The following RNFT2 variants were observed in gnomAD, a reference collection of about 807,000 sequenced individuals.
RNFT2 encodes the protein ring finger protein, transmembrane 2, also known as E3 ubiquitin-protein ligase RNFT2.
RNFT2 carries 36 observed loss-of-function variants against 53.0 expected under a neutral mutation model. The ratio of observed to expected loss-of-function variants is 0.68; its 90% CI spans 0.52 to 0.90. RNFT2 has a LOEUF of 0.90. Ranked by LOEUF, RNFT2 falls within the 40% of genes least tolerant of loss-of-function variation. RNFT2 has a pLI of 0.00. For missense variants in RNFT2, 514 were observed against 585.6 expected (o/e 0.88, Z 1.26); for synonymous variants, 260 against 253.2 (o/e 1.03, Z -0.26).
chr12:116,775,844 A>C (rs1873409416), intron 6 of RNFT2, among the ~76,000 whole-genome samples: 1 of 152,192 alleles, frequency 6.6e-6, no homozygotes, highest in African/African-American at 2.4e-5. Flanking sequence ...GGAGTCTGAG[A>C]CCAGCCTGGC....
chr12:116,740,916 A>G, intron 2 of RNFT2, 120 bp from the exon 3 acceptor site: 1 of 802,178 alleles, frequency 1.2e-6, no homozygotes, highest in Non-Finnish European at 2.1e-6. Context: ...GGAAAATGCC[A>G]GAGAGCACTA....
At chr12:116,811,538 G>C (rs1875376917) in intron 7 of RNFT2, among the ~76,000 whole-genome samples, 2 of 152,118 alleles carry the variant, frequency 1.3e-5, no homozygotes. Context: ...ACCACACCTG[G>C]CTAATTTTTG....
chr12:116,836,379 G>A, intron 10 of RNFT2, 97 bp downstream of exon 10: 2 of 1,020,964 alleles, frequency 2.0e-6, no homozygotes, highest in Middle Eastern at 2.5e-4. Flanking sequence ...ATGGGTCTCT[G>A]GGGGGCAATC....
intron 5 of RNFT2, among the ~76,000 whole-genome samples, chr12:116,756,909 A>G (rs144034106): frequency 1.3e-5 from 2 of 152,184 alleles, no homozygotes; most frequent in African/African-American, 4.8e-5. Context: ...ATTGGTACCA[A>G]TTCTTCGAAT....
At chr12:116,829,498 G>T (rs1212124752) in intron 7 of RNFT2, among the ~76,000 whole-genome samples, 2 of 152,172 alleles carry the variant, frequency 1.3e-5, no homozygotes, top group East Asian at 1.9e-4. Context: ...CAAAAATCAG[G>T]CAGGGGGTGA....
chr12:116,748,377 A>G (rs542216894), intron 3 of RNFT2, among the ~76,000 whole-genome samples: 1 of 152,300 alleles, frequency 6.6e-6, no homozygotes, highest in East Asian at 1.9e-4. Context: ...TTCCAACCCA[A>G]GAGGCCCTTG....
intron 7 of RNFT2, among the ~76,000 whole-genome samples, chr12:116,805,121 C>T (rs200260347): frequency 2.1e-5 from 3 of 143,360 alleles, no homozygotes; most frequent in Non-Finnish European, 3.0e-5. Context: ...AAGACATTGT[C>T]TTTTTTTTTT....
chr12:116,746,780 G>C (rs1020773358), intron 3 of RNFT2, among the ~76,000 whole-genome samples: 1 of 152,190 alleles, frequency 6.6e-6, no homozygotes, highest in Non-Finnish European at 1.5e-5. Context: ...TACCTGTCTA[G>C]AGGGTTCCTC....
intron 10 of RNFT2, among the ~76,000 whole-genome samples, chr12:116,843,606 A>C (rs1877463680): frequency 6.6e-6 from 1 of 151,422 alleles, no homozygotes; most frequent in Non-Finnish European, 1.5e-5. Context: ...TTCCCAGCTG[A>C]GAAAGGGCTC....
At chr12:116,821,347 C>T (rs1167299290) in intron 7 of RNFT2, among the ~76,000 whole-genome samples, 2 of 152,172 alleles carry the variant, frequency 1.3e-5, no homozygotes, top group African/African-American at 2.4e-5. Context: ...GGTCCAGCCC[C>T]GATCCCACCC....
chr12:116,834,760 C>A (rs1442412445), intron 8 of RNFT2, among the ~76,000 whole-genome samples: 3 of 152,014 alleles, frequency 2.0e-5, no homozygotes, highest in African/African-American at 7.2e-5. Context: ...GTTTAATCTA[C>A]CCTAATTTCT....
chr12:116,786,232 C>T (rs934432288), intron 7 of RNFT2, among the ~76,000 whole-genome samples: 7 of 151,812 alleles, frequency 4.6e-5, no homozygotes, highest in African/African-American at 1.5e-4. Context: ...AGGTATTCTC[C>T]TGCCTCAGCC....
At chr12:116,841,465 T>C (rs4766806) in intron 10 of RNFT2, among the ~76,000 whole-genome samples, 17,106 of 148,638 alleles carry the variant, frequency 0.12, 1,516 homozygotes, top group African/African-American at 0.24. Context: ...AAAAATAAAA[T>C]GACTGGGCAT....
intron 7 of RNFT2, among the ~76,000 whole-genome samples, chr12:116,780,269 G>A (rs929514416): frequency 7.9e-5 from 12 of 152,116 alleles, no homozygotes; most frequent in African/African-American, 1.2e-4. Context: ...ACCAGGAACC[G>A]GTTTCATGGA....
chr12:116,831,941 C>A (rs1876672740), intron 7 of RNFT2, among the ~76,000 whole-genome samples: 1 of 151,534 alleles, frequency 6.6e-6, no homozygotes, highest in South Asian at 2.1e-4. Flanking sequence ...CCAGCCTGGG[C>A]AACATGGTGA....
At chr12:116,756,849 A>T (rs1203577869) in intron 5 of RNFT2, among the ~76,000 whole-genome samples, 2 of 152,116 alleles carry the variant, frequency 1.3e-5, no homozygotes, top group African/African-American at 4.8e-5. Flanking sequence ...TCATAGAATG[A>T]ATTAGGGAGG....
intron 3 of RNFT2, among the ~76,000 whole-genome samples, chr12:116,741,459 C>A (rs1345525599): frequency 2.0e-5 from 3 of 152,132 alleles, no homozygotes; most frequent in Admixed American, 6.6e-5. Flanking sequence ...ATGAAAGCTC[C>A]AGCATATTCA....
intron 7 of RNFT2, among the ~76,000 whole-genome samples, chr12:116,812,027 T>C (rs1875406388): frequency 6.6e-6 from 1 of 152,096 alleles, no homozygotes; most frequent in African/African-American, 2.4e-5. Flanking sequence ...TGACTGATGA[T>C]GTTACCTGGC....
intron 10 of RNFT2, among the ~76,000 whole-genome samples, chr12:116,837,068 AATT>A (rs1485175559): frequency 2.6e-5 from 4 of 152,178 alleles, no homozygotes; most frequent in African/African-American, 4.8e-5. Flanking sequence ...TCATCTGTAT[AATT>A]ATTATTACCA....
Sources: allele counts gnomAD v4.1 joint callset (sites outside exome capture counted in the v4.1 genomes callset), GRCh38; gene constraint gnomAD v4.1.1; transcripts MANE v1.5; gene names NCBI Gene and HGNC (gene_info 2026-07-23, HGNC 2026-07-21).